ATG14: variants seen among roughly 807,000 people sequenced by gnomAD.
ATG14 encodes beclin 1-associated autophagy-related key regulator.
A neutral mutation model predicts 60.4 loss-of-function variants in ATG14; 35 were observed. The observed-to-expected ratio is 0.58, with a 90% CI of 0.44 to 0.77. The LOEUF is 0.77. Among genes scored for constraint, ATG14 ranks in the 30% least tolerant of loss-of-function variants. The pLI, the probability that ATG14 is intolerant of heterozygous loss-of-function variation, is 0.00. For synonymous variants in ATG14, 234 were observed against 228.8 expected (o/e 1.02, Z -0.21); for missense variants, 647 against 626.3 (o/e 1.03, Z -0.35).
Position 55,367,339 on chromosome 14 carries a change from A to G in ATG14, c.*2280T>C, listed in dbSNP as rs1884702334. ...GATCGTTAAGTTTATTTATCTGTTCAAGTCTACCATCTTCACTCTCTACGA... is the reference window on the plus strand; with the variant it reads ...GATCGTTAAGTTTATTTATCTGTTCGAGTCTACCATCTTCACTCTCTACGA... On this transcript the variant is annotated 3_prime_UTR_variant, in exon 10 of 10. Transcript: ENST00000247178. 6.6e-6 allele frequency: 1 copy of G among 152,218 alleles called. No individual in the cohort carries two copies. Among genetic ancestry groups the G allele is most frequent in the Non-Finnish European group, 1.5e-5 (1 of 68,036 alleles). 9.4% of individuals were successfully genotyped at this position (152,218 alleles called of 1,614,324 possible).
In ATG14 at chr14:55,369,429, A is replaced by G. The variant is rs1884760378; in HGVS notation, c.*190T>C. On this transcript the variant is annotated 3_prime_UTR_variant, in exon 10 of 10. Coordinates refer to ENST00000247178, the MANE Select transcript of ATG14 (RefSeq NM_014924.5). Reference sequence around the variant, plus strand: ...CCCTGTTCTCTTAATTATCATAAGCATGTTGGTCACCATCACAGGCCACTT... The same window carrying G: ...CCCTGTTCTCTTAATTATCATAAGCGTGTTGGTCACCATCACAGGCCACTT... 4.1e-6 allele frequency: 2 copies of G among 483,790 alleles called. No individual in the cohort carries two copies. Among genetic ancestry groups the G allele is most frequent in the East Asian group, 3.2e-5 (1 of 31,294 alleles). 30.0% of individuals were successfully genotyped at this position (483,790 alleles called of 1,614,324 possible).
chr14:55,377,884 T>G lies in ATG14; in HGVS notation c.1107A>C (p.Leu369Phe). ...GATTCCTGAGGGTATGCAGTGGTTG[T>G]AATTGATCTAAATTTACATGCTAAA... ...CFSQHVNLDQ[L>F]QPLHTLRNLM... Residue 369 changes from leucine (L) to phenylalanine (F), a missense_variant, in exon 9 of 10, where the codon TTA becomes TTC. Transcript: ENST00000247178. 6.2e-7 allele frequency: 1 copy of G among 1,606,568 alleles called. No individual in the cohort carries two copies. The highest frequency in any genetic ancestry group is 1.3e-5 in the African/African-American group (1 of 74,444).
chr14:55,380,680 C>T lies in ATG14; in HGVS notation c.888G>A (p.Gln296=). 4 of 1,601,532 alleles carry T rather than the reference C, an allele frequency of 2.5e-6. No individual in the cohort carries two copies. The highest frequency in any genetic ancestry group is 3.4e-6 in the Non-Finnish European group (4 of 1,174,416). ...CACTGATGGTGTAGGCAGGGTTACT[C>T]TGCTCCATGTCTGCAGTAAGAAAAC... ...KKTTQGPDME[Q]SNPAYTISAA... The change falls in exon 7 of 10, where the codon CAG becomes CAA. Residue 296 remains glutamine, a synonymous_variant. Coordinates refer to ENST00000247178, the MANE Select transcript of ATG14 (RefSeq NM_014924.5).
intron 3 of ATG14, among the ~76,000 whole-genome samples, chr14:55,393,643 C>G (rs1885261826): frequency 6.6e-6 from 1 of 151,420 alleles, no homozygotes; most frequent in African/African-American, 2.4e-5. Flanking sequence ...CTCCCTGGCT[C>G]AAGTGATCCT....
At chr14:55,404,773 C>G (rs757257154) in intron 1 of ATG14, among the ~76,000 whole-genome samples, 1 of 152,080 alleles carries the variant, frequency 6.6e-6, no homozygotes. Context: ...TTTTTCTTTT[C>G]CGATACTGTT....
chr14:55,374,957 C>G (rs1884890304), intron 9 of ATG14, among the ~76,000 whole-genome samples: 1 of 152,184 alleles, frequency 6.6e-6, no homozygotes, highest in African/African-American at 2.4e-5. Flanking sequence ...TCAAAACTTC[C>G]TTGCAGACTA....
At position 55,369,496 on chromosome 14, in the gene ATG14, C is replaced by CA. The variant is rs2140114427; in HGVS notation, c.*122dup. On this transcript the variant is annotated 3_prime_UTR_variant, in exon 10 of 10. Transcript: ENST00000247178. ...TGTCTCCCTGCTTAAAAAGACAAAA[C>CA]AAAACAACACTTTAACCTCTTTGTT... 2 of 1,025,590 alleles carry CA rather than the reference C, an allele frequency of 2.0e-6. No individual in the cohort carries two copies. Among genetic ancestry groups the CA allele is most frequent in the East Asian group, 5.1e-5 (2 of 38,900 alleles). 63.5% of individuals were successfully genotyped at this position (1,025,590 alleles called of 1,614,324 possible).
intron 9 of ATG14, among the ~76,000 whole-genome samples, chr14:55,373,600 C>T (rs1051268992): frequency 6.6e-5 from 10 of 152,100 alleles, no homozygotes; most frequent in African/African-American, 1.9e-4. Context: ...GCTGGGGTTA[C>T]AGGCACCCGC....
intron 1 of ATG14, among the ~76,000 whole-genome samples, chr14:55,411,398 G>A (rs1885569042): frequency 6.6e-6 from 1 of 152,192 alleles, no homozygotes; most frequent in Non-Finnish European, 1.5e-5. Flanking sequence ...GGGTGATGGG[G>A]AAACGGCGAC....
At chr14:55,406,756 G>T (rs776564639) in intron 1 of ATG14, among the ~76,000 whole-genome samples, 72 of 152,200 alleles carry the variant, frequency 4.7e-4, no homozygotes, top group Non-Finnish European at 1.0e-3. Flanking sequence ...CTGGAAAAGA[G>T]AAAGATGGAG....
chr14:55,411,585 C>T lies in ATG14; in HGVS notation c.221+17G>A, dbSNP rs764191952. ...CACACAGCAGAAGAAACAATAGGGC[C>T]GTGGCGGCCGCCGTACCTCTCCCGG... On this transcript the variant is annotated intron_variant, in intron 1 of 9. Coordinates refer to ENST00000247178, the MANE Select transcript of ATG14 (RefSeq NM_014924.5). 3.5e-5 allele frequency: 55 copies of T among 1,592,820 alleles called. No individual in the cohort carries two copies. The highest frequency in any genetic ancestry group is 3.5e-4 in the Middle Eastern group (2 of 5,794).
chr14:55,411,322 G>A (rs2140157774), intron 1 of ATG14, among the ~76,000 whole-genome samples: 2 of 152,380 alleles, frequency 1.3e-5, no homozygotes, highest in East Asian at 1.9e-4. Context: ...CTTCTCCAGA[G>A]AGTCACCACT....
Position 55,368,077 on chromosome 14 carries a change from T to A in ATG14, c.*1542A>T, listed in dbSNP as rs1256992425. 2 of 151,466 alleles carry A rather than the reference T, an allele frequency of 1.3e-5. No homozygotes were observed. The highest frequency in any genetic ancestry group is 4.9e-5 in the African/African-American group (2 of 41,222). The allele number at this position is 151,466 out of a possible 1,614,324, so 9.4% of individuals were successfully genotyped here. A position where few individuals can be genotyped will look rare whatever the true frequency, so the allele number is the denominator to read the frequency against. ...CTTTCATAGGATTTCTTTTGGTAGT[T>A]GTTACATAGGATTTTTTTGCAGTTA... On this transcript the variant is annotated 3_prime_UTR_variant, in exon 10 of 10. Transcript: ENST00000247178.
At chr14:55,394,770 A>C (rs1392982932) in intron 3 of ATG14, among the ~76,000 whole-genome samples, 1 of 152,210 alleles carries the variant, frequency 6.6e-6, no homozygotes, top group South Asian at 2.1e-4. Context: ...CATTAAATGC[A>C]GGACTGTGAC....
chr14:55,382,048 GTAA>G lies in ATG14; in HGVS notation c.788_790del (p.Ile263del). ...GTTAGGGAGGCTAATCCAAGGCCCT[GTAA>G]TGCTAATGCTGGTGTCTCCGTTGTG... On this transcript the variant is annotated inframe_deletion, in exon 6 of 10. Transcript: ENST00000247178. The G allele has an allele frequency of 6.2e-7, 1 of 1,614,216 alleles. No individual in the cohort carries two copies. Among genetic ancestry groups the G allele is most frequent in the Non-Finnish European group, 8.5e-7 (1 of 1,180,024 alleles).
chr14:55,411,827 G>A lies in ATG14; in HGVS notation c.-5C>T. The stretch of plus-strand genomic sequence containing the variant: ...CTTCCCACTGGGAGACGCCATGATG[G>A]CCTGAGAGGAGAGCCAGTCACGTGG... On this transcript the variant is annotated 5_prime_UTR_variant, in exon 1 of 10. Coordinates refer to ENST00000247178, the MANE Select transcript of ATG14 (RefSeq NM_014924.5). 2 of 1,585,528 alleles carry A rather than the reference G, an allele frequency of 1.3e-6. No individual in the cohort carries two copies. Among genetic ancestry groups the A allele is most frequent in the Non-Finnish European group, 1.7e-6 (2 of 1,166,456 alleles).
At chr14:55,405,803 AG>A (rs1277596020) in intron 1 of ATG14, among the ~76,000 whole-genome samples, 7 of 150,848 alleles carry the variant, frequency 4.6e-5, no homozygotes, top group Non-Finnish European at 1.0e-4. Flanking sequence ...TCATCCCTTA[AG>A]GAAGCATACA....
chr14:55,388,829 C>A (rs890410391), intron 4 of ATG14, among the ~76,000 whole-genome samples: 1 of 152,154 alleles, frequency 6.6e-6, no homozygotes, highest in African/African-American at 2.4e-5. Flanking sequence ...CCTGGCAAGT[C>A]ATCAGAACCA....
At position 55,411,678 on chromosome 14, in the gene ATG14, T is replaced by A; in HGVS notation, c.145A>T (p.Thr49Ser). 1 of 1,612,932 alleles carries A rather than the reference T, an allele frequency of 6.2e-7. No individual in the cohort carries two copies. The highest frequency in any genetic ancestry group is 8.5e-7 in the Non-Finnish European group (1 of 1,179,770). The change falls in exon 1 of 10, where the codon ACC becomes TCC. Residue 49 changes from threonine (T) to serine (S), a missense_variant. Coordinates refer to ENST00000247178, the MANE Select transcript of ATG14 (RefSeq NM_014924.5). The part of the protein sequence containing the change: ...AVERCPLCNT[T>S]RRRLTCAKCV... ...TTGGCGCAGGTCAGCCGCCGGCGGG[T>A]AGTGTTGCACAGCGGGCAGCGCTCC...
Sources: gnomAD v4.1 joint callset for allele counts (sites outside exome capture counted in the v4.1 genomes callset) on GRCh38, gnomAD v4.1.1 for gene constraint, MANE v1.5 for transcripts, NCBI Gene and HGNC (gene_info 2026-07-23, HGNC 2026-07-21) for gene names.